NRIP1: variants seen among roughly 807,000 people sequenced by gnomAD.
The protein encoded by NRIP1 is nuclear receptor-interacting protein 1.
Under a neutral mutation model 75.0 loss-of-function variants are expected in NRIP1, and 28 were observed. That is an observed-to-expected ratio of 0.37 (90% confidence interval 0.28 to 0.51). The LOEUF is 0.51. Ranked by LOEUF, NRIP1 falls within the 20% of genes least tolerant of loss-of-function variation. The pLI, the probability that NRIP1 is intolerant of heterozygous loss-of-function variation, is 0.92. For missense variants in NRIP1, 1,435 were observed against 1,343.7 expected (o/e 1.07, Z -1.06); for synonymous variants, 526 against 487.6 (o/e 1.08, Z -1.04).
intron 1 of NRIP1, among the ~76,000 whole-genome samples, chr21:15,046,222 G>A (rs111612718): frequency 4.6e-5 from 7 of 152,254 alleles, no homozygotes; most frequent in African/African-American, 1.7e-4. Flanking sequence ...TTCACAAGAT[G>A]TATTTCTTCA....
Position 14,966,568 on chromosome 21 carries a change from C to G in NRIP1, c.1625G>C (p.Ser542Thr). Residue 542 changes from serine (S) to threonine (T), a missense_variant, in exon 4 of 4, where the codon AGC becomes ACC. Coordinates refer to ENST00000318948, the MANE Select transcript of NRIP1 (RefSeq NM_003489.4). ...QNYARTSVIESPSTNRTTPVS... is the reference protein window; with the variant it reads ...QNYARTSVIETPSTNRTTPVS... ...TGGAGTAGTCCGATTTGTACTGGGG[C>G]TTTCTATCACAGAAGTCCTTGCATA... The G allele has an allele frequency of 6.2e-7, 1 of 1,614,038 alleles. No individual in the cohort carries two copies.
chr21:15,045,718 T>A (rs532345504), intron 1 of NRIP1, among the ~76,000 whole-genome samples: 2 of 152,236 alleles, frequency 1.3e-5, no homozygotes, highest in Admixed American at 6.5e-5. Context: ...TTACCCACAG[T>A]AGAATATCTT....
intron 3 of NRIP1, among the ~76,000 whole-genome samples, chr21:14,973,678 ATTTTT>A (rs11293384): frequency 9.2e-5 from 13 of 142,068 alleles, no homozygotes; most frequent in African/African-American, 3.4e-4. Flanking sequence ...AGCTCGCATA[ATTTTT>A]TTTTTTTTTT....
intron 2 of NRIP1, among the ~76,000 whole-genome samples, chr21:15,029,437 G>C (rs2147247869): frequency 6.6e-6 from 1 of 152,078 alleles, no homozygotes; most frequent in South Asian, 2.1e-4. Context: ...AAACTTCCTG[G>C]ACATCTCCCC....
intron 3 of NRIP1, among the ~76,000 whole-genome samples, chr21:14,988,528 T>TATATATCC (rs1555883097): frequency 6.6e-6 from 1 of 151,534 alleles, no homozygotes; most frequent in African/African-American, 2.4e-5. Flanking sequence ...TATATATATA[T>TATATATCC]ATATATCCTG....
chr21:14,985,478 A>G (rs1398648944), intron 3 of NRIP1, among the ~76,000 whole-genome samples: 1 of 152,170 alleles, frequency 6.6e-6, no homozygotes, highest in Non-Finnish European at 1.5e-5. Context: ...TAAGCCAGCT[A>G]TCTATCATCT....
chr21:15,006,121 T>C (rs1351964406), intron 3 of NRIP1, among the ~76,000 whole-genome samples: 1 of 152,166 alleles, frequency 6.6e-6, no homozygotes, highest in Non-Finnish European at 1.5e-5. Context: ...AATTACATTA[T>C]AGCATGTTTA....
At chr21:15,042,936 T>A (rs1568726086) in intron 2 of NRIP1, among the ~76,000 whole-genome samples, 1 of 152,214 alleles carries the variant, frequency 6.6e-6, no homozygotes, top group Non-Finnish European at 1.5e-5. Context: ...TACAAGCAGA[T>A]AAATTATTAT....
At position 14,968,162 on chromosome 21, in the gene NRIP1, C is replaced by T. The variant is rs1237130306; in HGVS notation, c.31G>A (p.Val11Met). The T allele has an allele frequency of 1.9e-6, 3 of 1,612,586 alleles. No homozygotes were observed. The highest frequency in any genetic ancestry group is 2.5e-6 in the Non-Finnish European group (3 of 1,179,268). The change falls in exon 4 of 4, where the codon GTG (valine) becomes ATG (methionine). Residue 11 changes from valine (V) to methionine (M), a missense_variant. Val to Met is a conservative substitution (Grantham distance 21, BLOSUM62 1). Transcript: ENST00000318948. ...GTTAAAACAATAGAATCCTGGTGCACATCAGAGCCAAGCTCTTCTCCATGA... is the reference window on the plus strand; with the variant it reads ...GTTAAAACAATAGAATCCTGGTGCATATCAGAGCCAAGCTCTTCTCCATGA... MTHGEELGSDVHQDSIVLTYL... is the reference protein window; with the variant it reads MTHGEELGSDMHQDSIVLTYL...
chr21:15,053,101 T>C (rs2089236695), intron 1 of NRIP1, among the ~76,000 whole-genome samples: 2 of 152,218 alleles, frequency 1.3e-5, no homozygotes, highest in South Asian at 4.1e-4. Context: ...AACTTTACAG[T>C]TTTAAAGTAA....
chr21:15,023,143 G>T (rs1271341936), intron 2 of NRIP1, among the ~76,000 whole-genome samples: 7 of 152,096 alleles, frequency 4.6e-5, no homozygotes, highest in Admixed American at 4.6e-4. Context: ...AAAAGACTGT[G>T]GTGTTGGTTA....
chr21:14,985,114 A>G (rs1375682715), intron 3 of NRIP1, among the ~76,000 whole-genome samples: 1 of 152,130 alleles, frequency 6.6e-6, no homozygotes, highest in Admixed American at 6.6e-5. Flanking sequence ...GTTCCCCATG[A>G]GAGTATAAAC....
At chr21:14,987,176 T>C (rs912368740) in intron 3 of NRIP1, among the ~76,000 whole-genome samples, 1 of 152,206 alleles carries the variant, frequency 6.6e-6, no homozygotes, top group African/African-American at 2.4e-5. Context: ...TCTTTGATCA[T>C]AGGAAAGTTG....
chr21:14,965,175 T>A lies in NRIP1; in HGVS notation c.3018A>T (p.Val1006=). The A allele has an allele frequency of 6.2e-7, 1 of 1,613,442 alleles. No individual in the cohort carries two copies. The highest frequency in any genetic ancestry group is 1.1e-5 in the South Asian group (1 of 91,082). The stretch of plus-strand genomic sequence containing the variant: ...GGAAAGTAGGACTCACAGGAGTTTT[T>A]ACTACACCTGGGTATGAAAATGTCC... ...DNRTFSYPGV[V]KTPVSPTFPE... is the part of the protein sequence containing the mutation. Residue 1006 remains valine (V), a synonymous_variant, in exon 4 of 4, where the codon GTA becomes GTT. Transcript: ENST00000318948.
At chr21:15,008,625 C>T (rs963783335) in intron 3 of NRIP1, among the ~76,000 whole-genome samples, 3 of 151,910 alleles carry the variant, frequency 2.0e-5, no homozygotes, top group Admixed American at 6.6e-5. Flanking sequence ...TATGATACAC[C>T]GTGCAGTTAT....
chr21:14,996,207 T>C (rs760854617), intron 3 of NRIP1, among the ~76,000 whole-genome samples: 6 of 152,226 alleles, frequency 3.9e-5, no homozygotes, highest in African/African-American at 7.2e-5. Flanking sequence ...ACATTCTTTT[T>C]GTAGTACTAA....
At chr21:15,027,174 T>A (rs994419666) in intron 2 of NRIP1, among the ~76,000 whole-genome samples, 4 of 152,162 alleles carry the variant, frequency 2.6e-5, no homozygotes, top group Non-Finnish European at 5.9e-5. Context: ...AGTAAATGAT[T>A]AACACAAAAT....
In NRIP1 at chr21:14,966,652, T is replaced by C. The variant is rs147779762; in HGVS notation, c.1541A>G (p.Glu514Gly). The change falls in exon 4 of 4, where the codon GAA becomes GGA. Residue 514 changes from glutamate (E) to glycine (G), a missense_variant. Glu to Gly is a moderately conservative substitution (Grantham distance 98). Coordinates refer to ENST00000318948, the MANE Select transcript of NRIP1 (RefSeq NM_003489.4). Reference protein sequence around the residue: ...LLGHKNEENVEKNTSPQGVHN... With the variant: ...LLGHKNEENVGKNTSPQGVHN... ...TACTCCCTGAGGGCTGGTGTTTTTT[T>C]CTACATTTTCTTCATTCTTATGGCC... The C allele has an allele frequency of 2.1e-4, 347 of 1,614,174 alleles. No individual in the cohort carries two copies. The highest frequency in any genetic ancestry group is 1.1e-3 in the African/African-American group (81 of 75,060).
chr21:15,036,956 C>T (rs552440778), intron 2 of NRIP1, among the ~76,000 whole-genome samples: 1 of 152,248 alleles, frequency 6.6e-6, no homozygotes, highest in African/African-American at 2.4e-5. Flanking sequence ...TTATTACTTT[C>T]ACCAAAAGCG....
Sources: allele counts gnomAD v4.1 joint callset (sites outside exome capture counted in the v4.1 genomes callset), GRCh38; gene constraint gnomAD v4.1.1; transcripts MANE v1.5; gene names NCBI Gene and HGNC (gene_info 2026-07-23, HGNC 2026-07-21).